SPICE1: variants seen among roughly 807,000 people sequenced by gnomAD.
SPICE1 encodes the protein spindle and centriole associated protein 1.
In SPICE1, 75 loss-of-function variants were observed where a neutral mutation model predicts 102.7. The observed-to-expected ratio is 0.73, with a 90% CI of 0.61 to 0.88. SPICE1 has a LOEUF of 0.88. Ranked by LOEUF, SPICE1 falls within the 40% of genes least tolerant of loss-of-function variation. SPICE1 has a pLI of 0.00. For missense variants in SPICE1, 979 were observed against 1,020.1 expected, an observed-to-expected ratio of 0.96 and a Z score of 0.55; for synonymous variants, 308 against 350.3, an observed-to-expected ratio of 0.88 and a Z score of 1.35.
At chr3:113,506,455 G>T in intron 2 of SPICE1, 52 bp downstream of exon 2, 1 of 1,400,816 alleles carries the variant, frequency 7.1e-7, no homozygotes. Flanking sequence ...ATATCACTGT[G>T]TCCATTTCTC....
intron 11 of SPICE1, among the ~76,000 whole-genome samples, chr3:113,464,777 T>C (rs776211948): frequency 5.3e-5 from 8 of 152,122 alleles, no homozygotes; most frequent in Non-Finnish European, 1.2e-4. Flanking sequence ...AACAATTTGA[T>C]AAATGCAATA....
intron 7 of SPICE1, among the ~76,000 whole-genome samples, chr3:113,482,174 C>CT (rs1344687333): frequency 6.6e-6 from 1 of 152,132 alleles, no homozygotes; most frequent in Non-Finnish European, 1.5e-5. Flanking sequence ...TGATGATGAG[C>CT]TTTTTTTCGT....
In SPICE1 at chr3:113,457,258, A is replaced by G; in HGVS notation, c.1535T>C (p.Val512Ala). 1 of 1,614,242 alleles carries G rather than the reference A, an allele frequency of 6.2e-7. No individual in the cohort carries two copies. Residue 512 changes from valine to alanine, a missense_variant, in exon 13 of 18, where the codon GTG (valine) becomes GCG (alanine). Coordinates refer to ENST00000295872, the MANE Select transcript of SPICE1 (RefSeq NM_144718.4). Reference sequence around the variant, plus strand: ...ATTCATGTTATCTGGAGGGTCTGGCACCTGAGACAGTTTAACGGGCAACTC... The same window carrying G: ...ATTCATGTTATCTGGAGGGTCTGGCGCCTGAGACAGTTTAACGGGCAACTC... ...QEELPVKLSQ[V>A]PDPPDNMNLA...
rs374710292 is a variant in SPICE1 at position 113,468,409 on chromosome 3, T to C, written c.890-5A>G. On this transcript the variant is annotated splice_region_variant and splice_polypyrimidine_tract_variant and intron_variant, in intron 9 of 17. Coordinates refer to ENST00000295872, the MANE Select transcript of SPICE1 (RefSeq NM_144718.4). ...GCAAATTCGGTTTCCTTTTCACTGA[T>C]AATGAGAGAAGTCATTCTATTTTAA... 3.1e-6 allele frequency: 5 copies of C among 1,609,706 alleles called. No individual in the cohort carries two copies. In the African/African-American group the frequency reaches 6.7e-5, roughly 22 times the overall value.
chr3:113,510,641 T>G (rs1317123735), intron 1 of SPICE1, among the ~76,000 whole-genome samples: 2 of 152,142 alleles, frequency 1.3e-5, no homozygotes, highest in Non-Finnish European at 2.9e-5. Context: ...GGCTTAAATG[T>G]AAAACCCAAA....
In SPICE1 at chr3:113,468,823, G is replaced by A. The variant is rs765443147; in HGVS notation, c.828C>T (p.Asp276=). The change falls in exon 9 of 18, where the codon GAC becomes GAT. Residue 276 remains aspartate (D), a synonymous_variant. Transcript: ENST00000295872. ...LQPEESTETL[D]SSYVVGHVLN... ...GCACGTGTCCCACAACGTAGCTTGA[G>A]TCTAGAGTCTCAGTAGATTCTTCAG... 9.9e-6 allele frequency: 16 copies of A among 1,614,052 alleles called. No individual in the cohort carries two copies. The highest frequency in any genetic ancestry group is 1.4e-5 in the Non-Finnish European group (16 of 1,180,028).
chr3:113,510,041 T>C (rs577643771), intron 1 of SPICE1, among the ~76,000 whole-genome samples: 142 of 152,336 alleles, frequency 9.3e-4, no homozygotes, highest in African/African-American at 3.3e-3. Context: ...TATTTCTTTA[T>C]AGCAGCATGA....
intron 1 of SPICE1, among the ~76,000 whole-genome samples, chr3:113,512,266 A>G (rs1021165658): frequency 3.3e-5 from 5 of 152,182 alleles, no homozygotes; most frequent in Admixed American, 6.6e-5. Flanking sequence ...TTAAGCTGCT[A>G]TCCCATCTTT....
At chr3:113,447,138 G>A (rs1353338527) in intron 16 of SPICE1, among the ~76,000 whole-genome samples, 1 of 151,596 alleles carries the variant, frequency 6.6e-6, no homozygotes. Flanking sequence ...CCAGCCATGT[G>A]AAACTGTAAG....
chr3:113,493,964 C>T, intron 5 of SPICE1, 85 bp downstream of exon 5: 1 of 886,384 alleles, frequency 1.1e-6, no homozygotes. Context: ...AATATGATGC[C>T]TAAGAAAGGA....
At position 113,453,685 on chromosome 3, in the gene SPICE1, G is replaced by T. The variant is rs1174505868; in HGVS notation, c.1923C>A (p.Pro641=). The change falls in exon 14 of 18, where the codon CCC becomes CCA. Residue 641 remains proline, a synonymous_variant. Coordinates refer to ENST00000295872, the MANE Select transcript of SPICE1 (RefSeq NM_144718.4). ...SHSNTQQSRS[P]TFSEELPVLG... is the part of the protein sequence containing the mutation. Reference sequence around the variant, plus strand: ...GTACTGGGAGCTCTTCTGAGAATGTGGGGCTTCTTGACTGTTGAGTGTTGG... The same window carrying T: ...GTACTGGGAGCTCTTCTGAGAATGTTGGGCTTCTTGACTGTTGAGTGTTGG... 6.2e-7 allele frequency: 1 copy of T among 1,614,122 alleles called. No homozygotes were observed. Among genetic ancestry groups the T allele is most frequent in the South Asian group, 1.1e-5 (1 of 91,076 alleles).
rs1936706316 is a variant in SPICE1 at position 113,488,975 on chromosome 3, A to G, written c.581T>C (p.Leu194Pro). The change falls in exon 7 of 18, where the codon CTA (leucine) becomes CCA (proline). Residue 194 changes from leucine to proline, a missense_variant. Coordinates refer to ENST00000295872, the MANE Select transcript of SPICE1 (RefSeq NM_144718.4). ...TGTATTCGTGTTAGACTGAGAGTTT[A>G]GAGAGTTATCCAACTCATTCTCATT... The part of the protein sequence containing the change: ...SENENELDNS[L>P]NSQSNTNTDR... The G allele has an allele frequency of 1.2e-6, 2 of 1,612,528 alleles. No individual in the cohort carries two copies. Among genetic ancestry groups the G allele is most frequent in the Non-Finnish European group, 1.7e-6 (2 of 1,178,738 alleles).
intron 11 of SPICE1, among the ~76,000 whole-genome samples, chr3:113,465,339 G>A (rs16861023): frequency 0.059 from 9,048 of 152,220 alleles, 346 homozygotes; most frequent in East Asian, 0.1. Context: ...AAAAGTGGCT[G>A]TCATAACACT....
At chr3:113,491,624 C>CAAAAAAAAAAA (rs869171154) in intron 6 of SPICE1, among the ~76,000 whole-genome samples, 807 of 38,060 alleles carry the variant, frequency 0.021, 91 homozygotes, top group African/African-American at 0.041. Flanking sequence ...GACTCCGTCT[C>CAAAAAAAAAAA]AAAAAAAAAA....
chr3:113,489,666 C>A (rs575170260), intron 6 of SPICE1, among the ~76,000 whole-genome samples: 1 of 151,768 alleles, frequency 6.6e-6, no homozygotes, highest in African/African-American at 2.4e-5. Flanking sequence ...AACAACATGG[C>A]GAAACCATGT....
At chr3:113,481,556 C>T (rs1424850582) in intron 7 of SPICE1, among the ~76,000 whole-genome samples, 1 of 152,004 alleles carries the variant, frequency 6.6e-6, no homozygotes, top group Non-Finnish European at 1.5e-5. Flanking sequence ...CTAACGCTAT[C>T]CCTCCCCTAG....
intron 6 of SPICE1, among the ~76,000 whole-genome samples, chr3:113,491,465 CA>C (rs542896138): frequency 9.6e-5 from 14 of 145,358 alleles, no homozygotes; most frequent in Non-Finnish European, 9.1e-5. Context: ...CTAAAAAATA[CA>C]AAAAAAAAAT....
intron 7 of SPICE1, among the ~76,000 whole-genome samples, chr3:113,481,401 CTTTTT>C (rs201685630): frequency 6.8e-6 from 1 of 147,976 alleles, no homozygotes; most frequent in African/African-American, 2.5e-5. Context: ...GAAAAGTAGA[CTTTTT>C]TTTTTCTAGT....
intron 7 of SPICE1, among the ~76,000 whole-genome samples, chr3:113,484,546 T>C (rs1196874119): frequency 6.6e-6 from 1 of 152,208 alleles, no homozygotes; most frequent in Non-Finnish European, 1.5e-5. Context: ...CACACTGCTT[T>C]AAATGTGTCC....
Sources: allele counts gnomAD v4.1 joint callset (sites outside exome capture counted in the v4.1 genomes callset), GRCh38; gene constraint gnomAD v4.1.1; transcripts MANE v1.5; gene names NCBI Gene and HGNC (gene_info 2026-07-23, HGNC 2026-07-21).